WASF2: variants seen among roughly 807,000 people sequenced by gnomAD.
WASF2 encodes the protein WASP family member 2.
WASF2 carries 14 observed loss-of-function variants against 45.0 expected under a neutral mutation model. The ratio of observed to expected loss-of-function variants is 0.31; its 90% confidence interval spans 0.21 to 0.49. The LOEUF (loss-of-function observed/expected upper bound fraction) is 0.49, where lower values mean the gene tolerates loss of function less well. Ranked by LOEUF, WASF2 falls within the 20% of genes least tolerant of loss-of-function variation. The probability of loss-of-function intolerance (pLI) is 0.99; values close to 1 mark genes in which losing one functional copy is unlikely to be tolerated. For missense variants in WASF2, 439 were observed against 636.1 expected (o/e 0.69, Z 3.33); for synonymous variants, 200 against 236.3 (o/e 0.85, Z 1.41).
rs569137503 is a variant in WASF2 at position 27,465,600 on chromosome 1, G to A, written c.-44+24386C>T. On this transcript the variant is annotated intron_variant, in intron 1 of 8. Transcript: ENST00000618852. Reference sequence around the variant, plus strand: ...TCCCCTGATGACCCCTACAGTATAAGCTAAAATGTAGTTAAACCACCTGTC... The same window carrying A: ...TCCCCTGATGACCCCTACAGTATAAACTAAAATGTAGTTAAACCACCTGTC... 7.9e-5 allele frequency among the ~76,000 whole-genome samples: 12 copies of A among 152,246 alleles called. 1 individual carries two copies. Among genetic ancestry groups the A allele is most frequent in the Middle Eastern group, 6.8e-3 (2 of 294 alleles).
At chr1:27,480,440 C>T (rs1247754802) in intron 1 of WASF2, among the ~76,000 whole-genome samples, 1 of 151,472 alleles carries the variant, frequency 6.6e-6, no homozygotes, top group Admixed American at 6.6e-5. Context: ...TCGCTTGGAC[C>T]CGGGAGGCAG....
chr1:27,412,711 C>A lies in WASF2; in HGVS notation c.685G>T (p.Val229Leu). The A allele has an allele frequency of 1.9e-6, 3 of 1,614,172 alleles. No individual in the cohort carries two copies. The highest frequency in any genetic ancestry group is 2.5e-6 in the Non-Finnish European group (3 of 1,180,034). The change falls in exon 7 of 9, where the codon GTG becomes TTG. Residue 229 changes from valine to leucine, a missense_variant. By Grantham distance (32) the Val-to-Leu change is conservative. Coordinates refer to ENST00000618852, the MANE Select transcript of WASF2 (RefSeq NM_006990.5). Reference sequence around the variant, plus strand: ...CAGCCAATGCTGCCATTCTGGTACACCAAAGTGGGTGGATACCTGACAATG... The same window carrying A: ...CAGCCAATGCTGCCATTCTGGTACAACAAAGTGGGTGGATACCTGACAATG... ...LGTSGYPPTL[V>L]YQNGSIGCVE...
At chr1:27,412,853 T>C in intron 6 of WASF2, 126 bp from the exon 7 acceptor site, 1 of 1,048,648 alleles carries the variant, frequency 9.5e-7, no homozygotes. Context: ...TAGGTATATT[T>C]CCCACATATT....
chr1:27,440,731 TA>T (rs1275149025), intron 1 of WASF2, among the ~76,000 whole-genome samples: 4 of 151,746 alleles, frequency 2.6e-5, no homozygotes, highest in Non-Finnish European at 5.9e-5. Flanking sequence ...CGGTGGTCTT[TA>T]AAAAATCTCT....
chr1:27,423,053 A>G (rs2016930458), intron 2 of WASF2, among the ~76,000 whole-genome samples: 1 of 151,740 alleles, frequency 6.6e-6, no homozygotes, highest in South Asian at 2.1e-4. Flanking sequence ...ATACATGAGA[A>G]TCGCTTGAGC....
chr1:27,482,005 T>C (rs1268990294), intron 1 of WASF2, among the ~76,000 whole-genome samples: 2 of 152,246 alleles, frequency 1.3e-5, no homozygotes, highest in Non-Finnish European at 2.9e-5. Context: ...TTCTCTTTTC[T>C]AATTCAATTC....
chr1:27,483,968 A>T (rs1330873784), intron 1 of WASF2, among the ~76,000 whole-genome samples: 2 of 151,984 alleles, frequency 1.3e-5, no homozygotes, highest in Non-Finnish European at 2.9e-5. Context: ...TCAAATAATA[A>T]CAATAATTTT....
chr1:27,474,567 C>T (rs937634817), intron 1 of WASF2, among the ~76,000 whole-genome samples: 11 of 151,524 alleles, frequency 7.3e-5, no homozygotes, highest in African/African-American at 1.9e-4. Flanking sequence ...GTCACAAGAT[C>T]GAGACCATCC....
chr1:27,404,981 C>T lies in WASF2; in HGVS notation c.*3208G>A. ...AGCACTGGCTCCCTCCCTCCCCATA[C>T]CCTGAAGTCAGGTGAGGGGCCGCAG... On this transcript the variant is annotated 3_prime_UTR_variant, in exon 9 of 9. Transcript: ENST00000618852. 1.3e-5 allele frequency: 2 copies of T among 154,024 alleles called. No homozygotes were observed. The highest frequency in any genetic ancestry group is 1.5e-5 in the Non-Finnish European group (1 of 68,496). The allele number at this position is 154,024 out of a possible 1,614,324, so 9.5% of individuals were successfully genotyped here.
intron 1 of WASF2, among the ~76,000 whole-genome samples, chr1:27,463,606 G>C (rs1171031995): frequency 7.6e-6 from 1 of 132,232 alleles, no homozygotes; most frequent in African/African-American, 2.9e-5. Flanking sequence ...CTGGGCGACA[G>C]AGTGAGACTC....
intron 1 of WASF2, among the ~76,000 whole-genome samples, chr1:27,489,621 A>G (rs903301321): frequency 3.9e-5 from 6 of 152,212 alleles, no homozygotes; most frequent in Admixed American, 3.9e-4. Context: ...ACTCCTGTAC[A>G]TACATCTGCC....
chr1:27,448,890 C>G (rs575740170), intron 1 of WASF2, among the ~76,000 whole-genome samples: 2 of 151,524 alleles, frequency 1.3e-5, no homozygotes, highest in Non-Finnish European at 2.9e-5. Context: ...CTTTATATGC[C>G]TTCGGTTTCA....
At chr1:27,454,185 A>T (rs1386276298) in intron 1 of WASF2, among the ~76,000 whole-genome samples, 135 of 7,906 alleles carry the variant, frequency 0.017, no homozygotes, top group South Asian at 0.038. Context: ...ATATATATAT[A>T]TATTTTTTTT....
chr1:27,456,316 T>TAAAAAAA (rs61319408), intron 1 of WASF2, among the ~76,000 whole-genome samples: 2 of 95,344 alleles, frequency 2.1e-5, no homozygotes, highest in African/African-American at 4.1e-5. Context: ...AGCGAGACTC[T>TAAAAAAA]AAAAAAAAAA....
chr1:27,482,092 C>T (rs1284568592), intron 1 of WASF2, among the ~76,000 whole-genome samples: 1 of 152,154 alleles, frequency 6.6e-6, no homozygotes, highest in African/African-American at 2.4e-5. Context: ...CATAACTATA[C>T]ATTTGAATTC....
At chr1:27,434,172 G>C (rs1020496540) in intron 1 of WASF2, among the ~76,000 whole-genome samples, 4 of 152,180 alleles carry the variant, frequency 2.6e-5, no homozygotes, top group Non-Finnish European at 4.4e-5. Context: ...CTTATCTTTA[G>C]ATAAGGTTAT....
chr1:27,460,459 T>C (rs1365786616), intron 1 of WASF2, among the ~76,000 whole-genome samples: 1 of 152,220 alleles, frequency 6.6e-6, no homozygotes, highest in Non-Finnish European at 1.5e-5. Flanking sequence ...TCAATTATAA[T>C]GAAGCAATTA....
chr1:27,428,536 G>C (rs1006065776), intron 2 of WASF2, among the ~76,000 whole-genome samples: 1 of 152,172 alleles, frequency 6.6e-6, no homozygotes, highest in African/African-American at 2.4e-5. Context: ...GCAGGTGGAG[G>C]GGGAGGGAGG....
intron 4 of WASF2, among the ~76,000 whole-genome samples, chr1:27,417,349 G>A (rs2016840750): frequency 1.3e-5 from 2 of 152,126 alleles, no homozygotes; most frequent in Non-Finnish European, 1.5e-5. Context: ...TGAAAGCCAA[G>A]GGGCAAACAT....
Sources: gnomAD v4.1 joint callset for allele counts (sites outside exome capture counted in the v4.1 genomes callset) on GRCh38, gnomAD v4.1.1 for gene constraint, MANE v1.5 for transcripts, NCBI Gene and HGNC (gene_info 2026-07-23, HGNC 2026-07-21) for gene names.